Variants in PLIN3 observed in about 807,000 individuals in gnomAD.
PLIN3 encodes the protein perilipin 3, also known as perilipin-3.
In PLIN3, 30 loss-of-function variants were observed where a neutral mutation model predicts 35.9. That is an observed-to-expected ratio of 0.84 (90% CI 0.62 to 1.13). PLIN3 has a LOEUF of 1.13. Among genes scored for constraint, PLIN3 ranks in the 50% most tolerant of loss-of-function variants. PLIN3 has a pLI of 0.00. For synonymous variants in PLIN3, 261 were observed against 262.5 expected (o/e 0.99, Z 0.06); for missense variants, 603 against 596.9 (o/e 1.01, Z -0.11).
At chr19:4,857,399 G>A (rs764953703) in intron 4 of PLIN3, among the ~76,000 whole-genome samples, 3 of 151,458 alleles carry the variant, frequency 2.0e-5, no homozygotes, top group Admixed American at 1.3e-4. Flanking sequence ...GTGAAAACTC[G>A]TCTCTACAAA....
At chr19:4,851,251 G>A (rs1399173803) in intron 5 of PLIN3, among the ~76,000 whole-genome samples, 1 of 152,118 alleles carries the variant, frequency 6.6e-6, no homozygotes, top group East Asian at 1.9e-4. Context: ...CAGATCACAA[G>A]GTCAGGAGTT....
intron 1 of PLIN3, chr19:4,867,105 C>T (rs1053724066): frequency 6.6e-6 from 1 of 152,298 alleles, no homozygotes; most frequent in African/African-American, 2.4e-5. Context: ...CCAAGACCTC[C>T]CCAGAATCAG....
At chr19:4,841,883 C>T (rs556172832) in intron 7 of PLIN3, among the ~76,000 whole-genome samples, 133 of 117,734 alleles carry the variant, frequency 1.1e-3, no homozygotes, top group African/African-American at 4.1e-3. Context: ...CCAGCCTGGG[C>T]GACAGAGCGA....
At chr19:4,845,635 A>G (rs1441293981) in intron 6 of PLIN3, among the ~76,000 whole-genome samples, 4 of 151,656 alleles carry the variant, frequency 2.6e-5, no homozygotes, top group African/African-American at 7.3e-5. Flanking sequence ...GAGAAAAGAA[A>G]AATAGTCGGC....
chr19:4,850,587 A>ATTTTTT (rs71170860), intron 5 of PLIN3, among the ~76,000 whole-genome samples: 5 of 124,640 alleles, frequency 4.0e-5, no homozygotes, highest in African/African-American at 1.6e-4. Flanking sequence ...CGCCCGGCTA[A>ATTTTTT]TTTTTTTTTT....
chr19:4,845,382 C>A (rs534221750), intron 6 of PLIN3, among the ~76,000 whole-genome samples: 2 of 151,864 alleles, frequency 1.3e-5, no homozygotes, highest in East Asian at 1.9e-4. Flanking sequence ...GCTGAGATTG[C>A]GCCACTGCAC....
intron 1 of PLIN3, among the ~76,000 whole-genome samples, chr19:4,864,804 CAG>C (rs1388285848): frequency 6.6e-6 from 1 of 152,114 alleles, no homozygotes; most frequent in African/African-American, 2.4e-5. Flanking sequence ...AAGAGATTCT[CAG>C]GGGGAAGCCA....
At chr19:4,848,332 C>A (rs1291690675) in intron 5 of PLIN3, among the ~76,000 whole-genome samples, 1 of 152,174 alleles carries the variant, frequency 6.6e-6, no homozygotes, top group Non-Finnish European at 1.5e-5. Context: ...ACCTCGAAGG[C>A]CTGGGAGCAA....
intron 4 of PLIN3, among the ~76,000 whole-genome samples, chr19:4,852,777 A>T (rs1360092747): frequency 6.6e-6 from 1 of 151,752 alleles, no homozygotes; most frequent in East Asian, 1.9e-4. Flanking sequence ...AGCAGCTGGG[A>T]TTACAGGTGC....
chr19:4,861,105 C>T (rs1412723876), intron 2 of PLIN3, among the ~76,000 whole-genome samples: 5 of 152,170 alleles, frequency 3.3e-5, no homozygotes. Flanking sequence ...CAGGTAGTTT[C>T]AGACAGAACC....
chr19:4,855,729 C>A (rs1599169704), intron 4 of PLIN3, among the ~76,000 whole-genome samples: 1 of 152,090 alleles, frequency 6.6e-6, no homozygotes. Flanking sequence ...TTGAGACCAG[C>A]CTGGGCAATA....
intron 5 of PLIN3, among the ~76,000 whole-genome samples, chr19:4,851,666 G>C (rs2030295106): frequency 6.6e-6 from 1 of 151,908 alleles, no homozygotes; most frequent in Admixed American, 6.6e-5. Context: ...AGGGCGGGGA[G>C]AGGACAGGGG....
At chr19:4,854,506 C>G (rs536089481) in intron 4 of PLIN3, among the ~76,000 whole-genome samples, 1 of 152,150 alleles carries the variant, frequency 6.6e-6, no homozygotes, top group Admixed American at 6.6e-5. Flanking sequence ...CAGGTTCAAG[C>G]GGTTCTCCTG....
intron 6 of PLIN3, among the ~76,000 whole-genome samples, chr19:4,846,340 C>G: frequency 8.2e-6 from 1 of 122,054 alleles, no homozygotes; most frequent in South Asian, 2.5e-4. Context: ...AAAAAATCGT[C>G]ATAAAGGTAA....
At chr19:4,839,612 A>G (rs893067420) in intron 7 of PLIN3, 76 bp from the exon 8 acceptor site, 16 of 1,125,090 alleles carry the variant, frequency 1.4e-5, no homozygotes, top group Non-Finnish European at 1.8e-5. Context: ...CCAGGGAAAG[A>G]GGGGAAGAGG....
In PLIN3 at chr19:4,839,320, G is replaced by A. The variant is rs746451186; in HGVS notation, c.1177C>T (p.Arg393Cys). The A allele has an allele frequency of 2.7e-5, 43 of 1,613,836 alleles. No individual in the cohort carries two copies. The Admixed American group carries it at 3.8e-4, about 14-fold the overall frequency. ...SSSILAQSRE[R>C]VASAREALDH... ...AGGGCCTCGCGGGCGCTGGCGACACGCTCACGGCTCTGGGCCAGAATGCTG... is the reference window on the plus strand; with the variant it reads ...AGGGCCTCGCGGGCGCTGGCGACACACTCACGGCTCTGGGCCAGAATGCTG... The change falls in exon 8 of 8, where the codon CGT becomes TGT. Residue 393 changes from arginine to cysteine, a missense_variant. By Grantham distance (180) the Arg-to-Cys change is radical. Transcript: ENST00000221957.
chr19:4,864,741 C>T (rs754467776), intron 1 of PLIN3, among the ~76,000 whole-genome samples: 1 of 152,082 alleles, frequency 6.6e-6, no homozygotes, highest in Non-Finnish European at 1.5e-5. Flanking sequence ...CGGGATGAAG[C>T]CACAACTCCC....
At chr19:4,856,923 C>A (rs965408821) in intron 4 of PLIN3, among the ~76,000 whole-genome samples, 3 of 151,952 alleles carry the variant, frequency 2.0e-5, no homozygotes, top group African/African-American at 7.2e-5. Context: ...CCAGGCTGGT[C>A]TCGTACTCCT....
intron 7 of PLIN3, among the ~76,000 whole-genome samples, chr19:4,844,013 A>T (rs1422941011): frequency 6.6e-6 from 1 of 152,090 alleles, no homozygotes; most frequent in Admixed American, 6.6e-5. Context: ...TCTGTTGCCC[A>T]GGCTGGAGTG....
Sources: gnomAD v4.1 joint callset for allele counts (sites outside exome capture counted in the v4.1 genomes callset) on GRCh38, gnomAD v4.1.1 for gene constraint, MANE v1.5 for transcripts, NCBI Gene and HGNC (gene_info 2026-07-23, HGNC 2026-07-21) for gene names.